Variants in SRGAP2 observed in about 807,000 individuals in gnomAD.
SRGAP2 encodes the protein SLIT-ROBO Rho GTPase-activating protein 2.
SRGAP2 carries 15 observed loss-of-function variants against 57.2 expected under a neutral mutation model. That is an observed-to-expected ratio of 0.26 (90% confidence interval 0.18 to 0.40). SRGAP2 has a LOEUF of 0.40. Among genes scored for constraint, SRGAP2 ranks in the 10% least tolerant of loss-of-function variants. The pLI, the probability that SRGAP2 is intolerant of heterozygous loss-of-function variation, is 1.00. For missense variants in SRGAP2, 520 were observed against 669.6 expected, an observed-to-expected ratio of 0.78 and a Z score of 2.47; for synonymous variants, 249 against 248.0, an observed-to-expected ratio of 1.00 and a Z score of -0.04.
intron 18 of SRGAP2, 42 bp downstream of exon 18, chr1:206,446,341 C>T: frequency 1.3e-6 from 1 of 775,806 alleles, no homozygotes; most frequent in Non-Finnish European, 2.4e-6. Context: ...GATTCACTAG[C>T]ACACACTGGC....
chr1:206,306,711 C>A (rs1487901793), intron 3 of SRGAP2, among the ~76,000 whole-genome samples: 7 of 152,134 alleles, frequency 4.6e-5, no homozygotes, highest in Non-Finnish European at 8.8e-5. Context: ...CTCCACCTCC[C>A]CATCAGATTA....
chr1:206,457,350 T>C (rs1553378826), intron 21 of SRGAP2, among the ~76,000 whole-genome samples: 1 of 152,226 alleles, frequency 6.6e-6, no homozygotes, highest in Non-Finnish European at 1.5e-5. Flanking sequence ...GCTCACAGTC[T>C]GGCAAGGTAA....
intron 2 of SRGAP2, among the ~76,000 whole-genome samples, chr1:206,299,165 A>AC (rs2102741679): frequency 7.0e-6 from 1 of 142,360 alleles, no homozygotes; most frequent in South Asian, 2.4e-4. Context: ...ATTCTTTTGT[A>AC]CCCCTAAGAT....
intron 3 of SRGAP2, among the ~76,000 whole-genome samples, chr1:206,332,796 T>C (rs2102880559): frequency 6.6e-6 from 1 of 152,106 alleles, no homozygotes; most frequent in African/African-American, 2.4e-5. Flanking sequence ...TCTGAAGCCT[T>C]CTTCTCTCAG....
intron 11 of SRGAP2, among the ~76,000 whole-genome samples, chr1:206,418,991 A>G (rs1246047129): frequency 6.6e-6 from 1 of 151,848 alleles, no homozygotes; most frequent in Non-Finnish European, 1.5e-5. Flanking sequence ...CACATCCAAC[A>G]TAAGAGAAGC....
At chr1:206,361,303 A>C (rs1676894064) in intron 4 of SRGAP2, among the ~76,000 whole-genome samples, 1 of 148,788 alleles carries the variant, frequency 6.7e-6, no homozygotes, top group African/African-American at 2.5e-5. Flanking sequence ...AGGAGAAGGA[A>C]TATAACAGGG....
intron 3 of SRGAP2, among the ~76,000 whole-genome samples, chr1:206,304,236 C>CA (rs1672057096): frequency 7.0e-6 from 1 of 143,720 alleles, no homozygotes; most frequent in Non-Finnish European, 1.5e-5. Context: ...ACCCTGGCTG[C>CA]ATATTAGAAT....
chr1:206,310,517 C>T (rs1244682179), intron 3 of SRGAP2, among the ~76,000 whole-genome samples: 1 of 152,210 alleles, frequency 6.6e-6, no homozygotes, highest in Non-Finnish European at 1.5e-5. Flanking sequence ...CCTGCCTGCT[C>T]AAGTTCAGTG....
chr1:206,459,088 G>T, intron 22 of SRGAP2, 141 bp downstream of exon 22: 1 of 607,614 alleles, frequency 1.6e-6, no homozygotes, highest in Admixed American at 2.9e-5. Context: ...CTCTGGACAT[G>T]TGGACCCAAT....
At chr1:206,412,408 T>G (rs923862631) in intron 10 of SRGAP2, among the ~76,000 whole-genome samples, 6 of 152,252 alleles carry the variant, frequency 3.9e-5, no homozygotes, top group Non-Finnish European at 7.3e-5. Context: ...CTGGTCAGAC[T>G]GTGTTTTAGG....
chr1:206,362,814 A>G (rs1222722657), intron 4 of SRGAP2, among the ~76,000 whole-genome samples: 4 of 151,898 alleles, frequency 2.6e-5, no homozygotes, highest in Non-Finnish European at 5.9e-5. Flanking sequence ...TGTTTCCTCA[A>G]TACACAGTGA....
At chr1:206,423,046 C>T (rs1422740396) in intron 13 of SRGAP2, among the ~76,000 whole-genome samples, 5 of 152,148 alleles carry the variant, frequency 3.3e-5, no homozygotes, top group Non-Finnish European at 5.9e-5. Context: ...ATCAGGCAAA[C>T]AAGAGGAAGA....
intron 2 of SRGAP2, among the ~76,000 whole-genome samples, chr1:206,231,593 A>G (rs1482125194): frequency 3.3e-5 from 5 of 149,378 alleles, no homozygotes; most frequent in Non-Finnish European, 7.4e-5. Context: ...GCTGGAGTGC[A>G]ATGGCGTGAT....
intron 1 of SRGAP2, chr1:206,204,178 G>C: frequency 2.4e-6 from 1 of 421,520 alleles, no homozygotes; most frequent in African/African-American, 3.2e-5. Flanking sequence ...ACCACATCTC[G>C]GCCCCCACAG....
In SRGAP2 at chr1:206,462,211, T is replaced by TCC. The variant is rs1664318511; in HGVS notation, c.*794_*795dup. On this transcript the variant is annotated 3_prime_UTR_variant, in exon 23 of 23. Coordinates refer to ENST00000573034, the MANE Select transcript of SRGAP2 (RefSeq NM_015326.5). ...GGTGTTTGCTCTTGCCTCTCCTCCA[T>TCC]CCCCTAGAAGTACACCCCCGTCTTA... The TCC allele has an allele frequency of 6.5e-6, 1 of 152,780 alleles. No homozygotes were observed. Among genetic ancestry groups the TCC allele is most frequent in the African/African-American group, 2.4e-5 (1 of 41,558 alleles). 9.5% of individuals were successfully genotyped at this position (152,780 alleles called of 1,614,324 possible). A position where few individuals can be genotyped will look rare whatever the true frequency, so the allele number is the denominator to read the frequency against.
At position 206,458,674 on chromosome 1, in the gene SRGAP2, C is replaced by G. The variant is rs533088717; in HGVS notation, c.2559C>G (p.Asp853Glu). ...SGSIRKTFRS[D>E]SHGLSSSLTD... ...GCATCCGGAAAACTTTTCGGAGTGACAGCCATGGGCTGAGCAGTTCCCTGA... is the reference window on the plus strand; with the variant it reads ...GCATCCGGAAAACTTTTCGGAGTGAGAGCCATGGGCTGAGCAGTTCCCTGA... The change falls in exon 22 of 23, where the codon GAC becomes GAG. Residue 853 changes from aspartate (D) to glutamate (E), a missense_variant. By Grantham distance (45) the Asp-to-Glu change is conservative. This residue lies in a region of SRGAP2 where 478 missense variants were observed against 373.6 expected (regional missense o/e 1.28). Coordinates refer to ENST00000573034, the MANE Select transcript of SRGAP2 (RefSeq NM_015326.5). The G allele has an allele frequency of 1.6e-5, 12 of 773,030 alleles. No homozygotes were observed. The African/African-American group carries it at 2.0e-4, about 13-fold the overall frequency. 47.9% of individuals were successfully genotyped at this position (773,030 alleles called of 1,614,324 possible).
Position 206,463,931 on chromosome 1 carries a change from T to C in SRGAP2, c.*2511T>C, listed in dbSNP as rs1664415782. 1 of 152,670 alleles carries C rather than the reference T, an allele frequency of 6.6e-6. No individual in the cohort carries two copies. The highest frequency in any genetic ancestry group is 6.5e-5 in the Admixed American group (1 of 15,290). 9.5% of individuals were successfully genotyped at this position (152,670 alleles called of 1,614,324 possible). A position where few individuals can be genotyped will look rare whatever the true frequency, so the allele number is the denominator to read the frequency against. ...TCAGCTATGCTTGCCGAAACCAGCATGATGCTTCAAAGAGCCCTGCTCCAC... is the reference window on the plus strand; with the variant it reads ...TCAGCTATGCTTGCCGAAACCAGCACGATGCTTCAAAGAGCCCTGCTCCAC... On this transcript the variant is annotated 3_prime_UTR_variant, in exon 23 of 23. Transcript: ENST00000573034.
intron 3 of SRGAP2, among the ~76,000 whole-genome samples, chr1:206,340,639 A>T (rs1675115431): frequency 6.7e-6 from 1 of 149,946 alleles, no homozygotes; most frequent in Admixed American, 6.7e-5. Context: ...TTGCCGAGAG[A>T]CACCACTTGA....
chr1:206,441,250 AG>A (rs1453743959), intron 17 of SRGAP2, among the ~76,000 whole-genome samples: 1 of 152,220 alleles, frequency 6.6e-6, no homozygotes, highest in African/African-American at 2.4e-5. Flanking sequence ...AATTGGACCT[AG>A]GAATCCAACC....
Sources: allele counts gnomAD v4.1 joint callset (sites outside exome capture counted in the v4.1 genomes callset), GRCh38; gene constraint gnomAD v4.1.1; regional missense constraint gnomAD v4.1.1; transcripts MANE v1.5; gene names NCBI Gene and HGNC (gene_info 2026-07-23, HGNC 2026-07-21).